CNGB3: variants seen among roughly 807,000 people sequenced by gnomAD.
The protein encoded by CNGB3 is cyclic nucleotide gated channel subunit beta 3.
CNGB3 carries 86 observed loss-of-function variants against 92.8 expected under a neutral mutation model. The observed-to-expected ratio is 0.93, with a 90% CI of 0.78 to 1.11. The LOEUF (loss-of-function observed/expected upper bound fraction) is 1.11, where lower values mean the gene tolerates loss of function less well. CNGB3 is among the 50% of genes least tolerant of loss of function. The pLI is 0.00. For missense variants in CNGB3, 1,026 were observed against 956.8 expected (o/e 1.07, Z -0.95); for synonymous variants, 333 against 332.7 (o/e 1.00, Z -0.01).
At chr8:86,644,529 TGAAGAGGGG>T in intron 9 of CNGB3, 84 bp downstream of exon 9, 1 of 1,508,238 alleles carries the variant, frequency 6.6e-7, no homozygotes, top group Admixed American at 1.9e-5. Flanking sequence ...ATCCTTTTTT[TGAAGAGGGG>T]GGTCATATCC....
rs879004437 is a variant in CNGB3, at chr8:86,647,832, T to A, written c.959A>T (p.Asn320Ile). ...FDICYLFFGF[N>I]PMFRANRMLK... ...CATCCTATTTGCTCTAAACATTGGA[T>A]TAAACCCAAAGAAGAGGTAGCAAAT... Residue 320 changes from asparagine (N) to isoleucine (I), a missense_variant, in exon 8 of 18, where the codon AAT becomes ATT. Physicochemically the swap from Asn to Ile is moderately radical, Grantham distance 149. Coordinates refer to ENST00000320005, the MANE Select transcript of CNGB3 (RefSeq NM_019098.5). 4.4e-6 allele frequency: 7 copies of A among 1,591,334 alleles called. No homozygotes were observed. In the Admixed American group the frequency reaches 1.2e-4, roughly 27 times the overall value.
In CNGB3 at chr8:86,645,315, C is replaced by A. The variant is rs563878399; in HGVS notation, c.991-629G>T. On this transcript the variant is annotated intron_variant, in intron 8 of 17. Transcript: ENST00000320005. ...CCTTTTCTGCCTGCATGCACTCCTACTTCCTACTTCCTACTTCCTACTTCC... is the reference window on the plus strand; with the variant it reads ...CCTTTTCTGCCTGCATGCACTCCTAATTCCTACTTCCTACTTCCTACTTCC... 7.3e-5 allele frequency among the ~76,000 whole-genome samples: 11 copies of A among 150,858 alleles called. No individual in the cohort carries two copies. In the East Asian group the frequency reaches 2.1e-3, roughly 29 times the overall value.
chr8:86,742,545 C>G (rs1236194896), intron 1 of CNGB3, among the ~76,000 whole-genome samples: 1 of 152,126 alleles, frequency 6.6e-6, no homozygotes, highest in Non-Finnish European at 1.5e-5. Flanking sequence ...CTCCCCTAGT[C>G]CCTGAGGAGC....
intron 1 of CNGB3, among the ~76,000 whole-genome samples, chr8:86,743,200 C>T (rs1258268747): frequency 6.6e-6 from 1 of 152,044 alleles, no homozygotes. Context: ...ATCAAGTAAC[C>T]AATTTAATAT....
chr8:86,701,886 C>T (rs1197177848), intron 3 of CNGB3, among the ~76,000 whole-genome samples: 1 of 151,826 alleles, frequency 6.6e-6, no homozygotes, highest in Non-Finnish European at 1.5e-5. Flanking sequence ...TAGAAAATAC[C>T]AAAAGGTGAA....
intron 15 of CNGB3, among the ~76,000 whole-genome samples, chr8:86,582,943 T>G (rs775364573): frequency 8.9e-5 from 13 of 145,872 alleles, no homozygotes; most frequent in Non-Finnish European, 2.0e-4. Flanking sequence ...TTCCTTTTTG[T>G]TTTTTTTTTG....
intron 4 of CNGB3, among the ~76,000 whole-genome samples, chr8:86,668,878 G>A (rs1050976160): frequency 1.3e-5 from 2 of 152,064 alleles, no homozygotes; most frequent in African/African-American, 4.8e-5. Context: ...AATTATCCAG[G>A]CATGGTGGTG....
chr8:86,701,335 T>G (rs1354555283), intron 3 of CNGB3, among the ~76,000 whole-genome samples: 1 of 152,212 alleles, frequency 6.6e-6, no homozygotes, highest in African/African-American at 2.4e-5. Context: ...TATTACAGAA[T>G]TTATGGAATT....
At chr8:86,716,168 C>T (rs1001761526) in intron 3 of CNGB3, among the ~76,000 whole-genome samples, 1 of 152,020 alleles carries the variant, frequency 6.6e-6, no homozygotes, top group Non-Finnish European at 1.5e-5. Flanking sequence ...ATTAACCCTT[C>T]TGACAAAGGA....
intron 3 of CNGB3, chr8:86,704,085 G>A (rs1022620429): frequency 1.3e-5 from 2 of 152,144 alleles, no homozygotes; most frequent in African/African-American, 4.8e-5. Flanking sequence ...ATAGCCTACT[G>A]TTGGCCAGAA....
At chr8:86,716,078 C>T (rs371342201) in intron 3 of CNGB3, among the ~76,000 whole-genome samples, 32 of 151,902 alleles carry the variant, frequency 2.1e-4, no homozygotes, top group African/African-American at 7.0e-4. Context: ...TAGAGAAAAG[C>T]AAAATGCACT....
At chr8:86,659,280 T>C in intron 6 of CNGB3, 1 of 888,044 alleles carries the variant, frequency 1.1e-6, no homozygotes, top group Non-Finnish European at 1.9e-6. Context: ...TTTCAGCAAC[T>C]CCATAACCTG....
At chr8:86,637,463 A>C (rs1419321278) in intron 10 of CNGB3, among the ~76,000 whole-genome samples, 2 of 151,144 alleles carry the variant, frequency 1.3e-5, no homozygotes, top group South Asian at 4.2e-4. Flanking sequence ...GTTCCATACA[A>C]ATTTTTGGAT....
At chr8:86,609,602 T>C (rs1236796229) in intron 14 of CNGB3, among the ~76,000 whole-genome samples, 1 of 152,200 alleles carries the variant, frequency 6.6e-6, no homozygotes, top group Non-Finnish European at 1.5e-5. Flanking sequence ...TCTTGAAGTC[T>C]GCTTCCTTTA....
intron 4 of CNGB3, among the ~76,000 whole-genome samples, chr8:86,669,043 A>T (rs1226238118): frequency 6.6e-6 from 1 of 152,114 alleles, no homozygotes; most frequent in Non-Finnish European, 1.5e-5. Context: ...AAGATTAAAT[A>T]AATATATAAA....
In CNGB3 at chr8:86,574,917, C is replaced by G. The variant is rs1015011118; in HGVS notation, c.*887G>C. 1 of 152,100 alleles carries G rather than the reference C, an allele frequency of 6.6e-6. No homozygotes were observed. Among genetic ancestry groups the G allele is most frequent in the African/African-American group, 2.4e-5 (1 of 41,404 alleles). 9.4% of individuals were successfully genotyped at this position (152,100 alleles called of 1,614,324 possible). ...ACATGTGTAGAGTCTGCCTTCCTAA[C>G]CTCATCACTTTGTTTTACTAAAGCT... On this transcript the variant is annotated 3_prime_UTR_variant, in exon 18 of 18. Transcript: ENST00000320005.
intron 13 of CNGB3, among the ~76,000 whole-genome samples, chr8:86,624,122 T>G (rs2131578847): frequency 6.6e-6 from 1 of 152,278 alleles, no homozygotes; most frequent in East Asian, 1.9e-4. Flanking sequence ...AGAGTATAAT[T>G]TACAGTCTAT....
intron 15 of CNGB3, among the ~76,000 whole-genome samples, chr8:86,598,260 G>C (rs1822216833): frequency 6.6e-6 from 1 of 152,194 alleles, no homozygotes; most frequent in South Asian, 2.1e-4. Flanking sequence ...TTGGATTTGA[G>C]TGACTTGAAG....
At position 86,659,234 on chromosome 8, in the gene CNGB3, A is replaced by T. The variant is rs1028920820; in HGVS notation, c.853-5172T>A. The T allele has an allele frequency of 9.4e-6, 7 of 747,762 alleles. 1 individual carries two copies. In the African/African-American group the frequency reaches 1.2e-4, roughly 13 times the overall value. 46.3% of individuals were successfully genotyped at this position (747,762 alleles called of 1,614,324 possible). ...ACCGCATGGCCCTCCCTCCTTTCAG[A>T]TTTTCAGTATATTGGTCTTTCTCCA... On this transcript the variant is annotated intron_variant, in intron 6 of 17. Transcript: ENST00000320005.
Sources: gnomAD v4.1 joint callset for allele counts (sites outside exome capture counted in the v4.1 genomes callset) on GRCh38, gnomAD v4.1.1 for gene constraint, MANE v1.5 for transcripts, NCBI Gene and HGNC (gene_info 2026-07-23, HGNC 2026-07-21) for gene names.